DYNC1I1: variants seen among roughly 807,000 people sequenced by gnomAD.
DYNC1I1 encodes the protein cytoplasmic dynein 1 intermediate chain 1.
In DYNC1I1, 43 loss-of-function variants were observed where a neutral mutation model predicts 86.6. The ratio of observed to expected loss-of-function variants is 0.50; its 90% CI spans 0.39 to 0.64. DYNC1I1 has a LOEUF of 0.64. DYNC1I1 is among the 30% of genes least tolerant of loss of function. DYNC1I1 has a pLI of 0.00. For synonymous variants in DYNC1I1, 262 were observed against 283.7 expected (o/e 0.92, Z 0.77); for missense variants, 604 against 788.8 (o/e 0.77, Z 2.81).
intron 10 of DYNC1I1, among the ~76,000 whole-genome samples, chr7:96,021,353 A>G (rs1562974332): frequency 1.3e-5 from 2 of 152,076 alleles, no homozygotes; most frequent in Non-Finnish European, 2.9e-5. Context: ...CCTCTCAGGA[A>G]GTAGAAATTG....
At chr7:95,925,020 T>A (rs912745496) in intron 6 of DYNC1I1, among the ~76,000 whole-genome samples, 1 of 152,186 alleles carries the variant, frequency 6.6e-6, no homozygotes, top group East Asian at 1.9e-4. Context: ...TCAAACCTAA[T>A]CCTTGGTGAC....
intron 10 of DYNC1I1, among the ~76,000 whole-genome samples, chr7:95,999,742 G>A (rs1793963950): frequency 6.6e-6 from 1 of 152,170 alleles, no homozygotes; most frequent in South Asian, 2.1e-4. Context: ...CTAGCTGACT[G>A]CACTGCTGAG....
intron 6 of DYNC1I1, among the ~76,000 whole-genome samples, chr7:95,912,348 C>A (rs886616307): frequency 2.6e-5 from 4 of 152,136 alleles, no homozygotes; most frequent in Admixed American, 6.5e-5. Flanking sequence ...ACTTGAACAT[C>A]TTGATGCTAA....
chr7:95,949,484 A>G (rs1295402095), intron 6 of DYNC1I1, among the ~76,000 whole-genome samples: 1 of 152,246 alleles, frequency 6.6e-6, no homozygotes, highest in Non-Finnish European at 1.5e-5. Context: ...CTCAGTGACC[A>G]TTAACTTAAG....
intron 10 of DYNC1I1, among the ~76,000 whole-genome samples, chr7:96,008,553 T>G (rs1017241070): frequency 2.0e-5 from 3 of 152,232 alleles, no homozygotes; most frequent in Non-Finnish European, 4.4e-5. Context: ...ATCTAAAAAG[T>G]GGTTAAAATT....
intron 14 of DYNC1I1, among the ~76,000 whole-genome samples, chr7:96,071,476 T>C (rs1790158368): frequency 6.6e-6 from 1 of 152,230 alleles, no homozygotes; most frequent in African/African-American, 2.4e-5. Flanking sequence ...TTACCTTTTC[T>C]GCTCCATGCT....
At chr7:95,792,671 G>A (rs1241946512) in intron 1 of DYNC1I1, among the ~76,000 whole-genome samples, 1 of 151,720 alleles carries the variant, frequency 6.6e-6, no homozygotes, top group Non-Finnish European at 1.5e-5. Flanking sequence ...AAATAAATTT[G>A]TATGATTTTC....
chr7:96,068,279 T>C (rs1434021614), intron 14 of DYNC1I1, among the ~76,000 whole-genome samples: 1 of 152,230 alleles, frequency 6.6e-6, no homozygotes, highest in Non-Finnish European at 1.5e-5. Context: ...GCATATTAAA[T>C]ATATTTTACA....
intron 9 of DYNC1I1, among the ~76,000 whole-genome samples, chr7:95,990,093 G>A (rs1485927102): frequency 1.3e-5 from 2 of 152,000 alleles, no homozygotes; most frequent in Non-Finnish European, 2.9e-5. Flanking sequence ...TGATCTCCTG[G>A]GCTTCTTAAA....
In DYNC1I1 at chr7:95,823,952, C is replaced by CTATATATATATATATATATATA. The variant is rs71127429; in HGVS notation, c.315-4099_315-4078dup. 1.3e-3 allele frequency among the ~76,000 whole-genome samples: 103 copies of CTATATATATATATATATATATA among 77,828 alleles called. 2 individuals are homozygous for CTATATATATATATATATATATA. Among genetic ancestry groups the CTATATATATATATATATATATA allele is most frequent in the African/African-American group, 4.2e-3 (64 of 15,088 alleles). The allele number at this position is 77,828 out of a possible 152,430, so 51.1% of individuals were successfully genotyped here. A position where few individuals can be genotyped will look rare whatever the true frequency, so the allele number is the denominator to read the frequency against. On this transcript the variant is annotated intron_variant, in intron 4 of 16. Coordinates refer to ENST00000447467, the MANE Select transcript of DYNC1I1 (RefSeq NM_001135556.2). ...TTACTTTCAGATTTGTTCTACTAAA[C>CTATATATATATATATATATATA]TATATATATATATATATATATATAT...
intron 14 of DYNC1I1, among the ~76,000 whole-genome samples, chr7:96,069,131 C>T (rs1790086235): frequency 6.6e-6 from 1 of 152,124 alleles, no homozygotes; most frequent in Non-Finnish European, 1.5e-5. Flanking sequence ...CTTTTCCCTC[C>T]AGTCTCCTAA....
At chr7:96,076,028 A>G (rs1790324980) in intron 14 of DYNC1I1, 29 bp from the exon 15 acceptor site, 1 of 1,605,764 alleles carries the variant, frequency 6.2e-7, no homozygotes, top group African/African-American at 1.3e-5. Context: ...GCAGCGCCAC[A>G]AAGTCTTCAC....
chr7:95,884,722 C>G (rs1335247992), intron 6 of DYNC1I1, among the ~76,000 whole-genome samples: 2 of 151,466 alleles, frequency 1.3e-5, no homozygotes, highest in African/African-American at 2.4e-5. Context: ...TAGCTTGAGC[C>G]CAGGAGTTCA....
intron 6 of DYNC1I1, among the ~76,000 whole-genome samples, chr7:95,955,390 G>A (rs79675365): frequency 9.2e-5 from 14 of 152,052 alleles, no homozygotes; most frequent in Non-Finnish European, 1.5e-4. Flanking sequence ...AAATGCAGTC[G>A]TAGCTCGCTG....
chr7:96,075,909 A>T (rs190654659), intron 14 of DYNC1I1, 148 bp from the exon 15 acceptor site: 2 of 1,127,956 alleles, frequency 1.8e-6, no homozygotes, highest in African/African-American at 1.6e-5. Flanking sequence ...TTCTAGTCAC[A>T]TTAAAGCTCC....
intron 5 of DYNC1I1, among the ~76,000 whole-genome samples, chr7:95,828,413 A>C (rs1251345693): frequency 5.3e-5 from 8 of 152,178 alleles, no homozygotes; most frequent in Non-Finnish European, 1.2e-4. Flanking sequence ...GGGGCACACA[A>C]GTTCTGCAGC....
chr7:96,048,441 A>AGC (rs1472554251), intron 14 of DYNC1I1, among the ~76,000 whole-genome samples: 1 of 152,180 alleles, frequency 6.6e-6, no homozygotes, highest in East Asian at 1.9e-4. Context: ...CCAGATCAGA[A>AGC]GCAACAGCAT....
intron 10 of DYNC1I1, 82 bp downstream of exon 10, chr7:95,996,155 T>C (rs868258832): frequency 6.4e-7 from 1 of 1,570,208 alleles, no homozygotes; most frequent in Middle Eastern, 1.8e-4. Flanking sequence ...TGTCTTATGC[T>C]GAGAGGAAGA....
rs117556268 is a variant in DYNC1I1 at position 96,097,658 on chromosome 7, A to T, written c.*65A>T. 0.013 allele frequency: 21,209 copies of T among 1,600,028 alleles called. 185 individuals are homozygous for T. The highest frequency in any genetic ancestry group is 0.022 in the Middle Eastern group (129 of 5,992). ...TCCTAGAGCTCAGCGTCTGCAGTCA[A>T]GTCTCTTGTATTCGGTGTCCATTCA... On this transcript the variant is annotated 3_prime_UTR_variant, in exon 17 of 17. Transcript: ENST00000447467.
Sources: allele counts gnomAD v4.1 joint callset (sites outside exome capture counted in the v4.1 genomes callset), GRCh38; gene constraint gnomAD v4.1.1; transcripts MANE v1.5; gene names NCBI Gene and HGNC (gene_info 2026-07-23, HGNC 2026-07-21).